The following NEMF variants were observed in gnomAD, a reference collection of about 807,000 sequenced individuals.
NEMF encodes nuclear export mediator factor, also known as ribosome quality control complex subunit NEMF.
In NEMF, 89 loss-of-function variants were observed where a neutral mutation model predicts 162.2. That is an observed-to-expected ratio of 0.55 (90% confidence interval 0.46 to 0.65). NEMF has a LOEUF of 0.65. Ranked by LOEUF, NEMF falls within the 30% of genes least tolerant of loss-of-function variation. The probability of loss-of-function intolerance (pLI) is 0.00; values close to 1 mark genes in which losing one functional copy is unlikely to be tolerated. For synonymous variants in NEMF, 421 were observed against 404.5 expected, an observed-to-expected ratio of 1.04 and a Z score of -0.49; for missense variants, 1,133 against 1,261.9, an observed-to-expected ratio of 0.90 and a Z score of 1.55.
intron 6 of NEMF, among the ~76,000 whole-genome samples, chr14:49,836,396 A>C (rs1175912449): frequency 1.3e-5 from 2 of 152,240 alleles, no homozygotes; most frequent in Non-Finnish European, 2.9e-5. Flanking sequence ...TCACGCCTGT[A>C]ATCCCAGCAC....
chr14:49,840,575 T>A, intron 5 of NEMF, 143 bp downstream of exon 5: 2 of 695,192 alleles, frequency 2.9e-6, no homozygotes, highest in Non-Finnish European at 4.7e-6. Context: ...GTTATCTAAG[T>A]AAAACAAAAT....
At chr14:49,809,309 C>T (rs1273621988) in intron 18 of NEMF, among the ~76,000 whole-genome samples, 6 of 152,060 alleles carry the variant, frequency 3.9e-5, no homozygotes, top group Admixed American at 3.3e-4. Flanking sequence ...GTGGTTCATC[C>T]AGACAACTGA....
In NEMF at chr14:49,782,392, A is replaced by G; in HGVS notation, c.*2244T>C. ...CAGGTTATGGCACACAGCTTGTGCC[A>G]GCGATGAAGGAGAAGTAATTGTTTT... On this transcript the variant is annotated 3_prime_UTR_variant, in exon 33 of 33. Transcript: ENST00000298310. 1 of 1,612,812 alleles carries G rather than the reference A, an allele frequency of 6.2e-7. No individual in the cohort carries two copies. The highest frequency in any genetic ancestry group is 1.1e-5 in the South Asian group (1 of 90,982).
chr14:49,808,311 T>C (rs2139883657), intron 18 of NEMF, among the ~76,000 whole-genome samples: 1 of 152,208 alleles, frequency 6.6e-6, no homozygotes, highest in South Asian at 2.1e-4. Context: ...TAGCTTGGAT[T>C]ACAGGCACCC....
intron 16 of NEMF, chr14:49,820,203 GC>G (rs1421906906): frequency 1.0e-5 from 3 of 289,892 alleles, no homozygotes; most frequent in Non-Finnish European, 1.4e-5. Context: ...GCCCGCCTCG[GC>G]CTCCCAAAGT....
chr14:49,844,128 A>G (rs1893351529), intron 4 of NEMF, among the ~76,000 whole-genome samples: 2 of 151,612 alleles, frequency 1.3e-5, no homozygotes, highest in Non-Finnish European at 2.9e-5. Context: ...AAAACAAAAA[A>G]AAAACCGCAG....
intron 26 of NEMF, among the ~76,000 whole-genome samples, chr14:49,790,162 C>G (rs1890373176): frequency 6.6e-6 from 1 of 152,076 alleles, no homozygotes; most frequent in Non-Finnish European, 1.5e-5. Flanking sequence ...TGTCCCTAAA[C>G]AGGACACAAA....
At chr14:49,842,833 CCT>C (rs1441661453) in intron 4 of NEMF, among the ~76,000 whole-genome samples, 2 of 152,006 alleles carry the variant, frequency 1.3e-5, no homozygotes, top group African/African-American at 2.4e-5. Context: ...ATGGTGAATC[CCT>C]GTTTTACTAA....
Position 49,826,790 on chromosome 14 carries a change from A to G in NEMF, c.1489-835T>C, listed in dbSNP as rs573548576. ...ATCCAGAAAAAATATTCAAATAAACATATGTTGGGCTGGGGGGAGTGTTTT... is the reference window on the plus strand; with the variant it reads ...ATCCAGAAAAAATATTCAAATAAACGTATGTTGGGCTGGGGGGAGTGTTTT... On this transcript the variant is annotated intron_variant, in intron 15 of 32. Coordinates refer to ENST00000298310, the MANE Select transcript of NEMF (RefSeq NM_004713.6). 4.6e-5 allele frequency among the ~76,000 whole-genome samples: 7 copies of G among 152,236 alleles called. No homozygotes were observed. In the South Asian group the frequency reaches 1.4e-3, roughly 32 times the overall value.
rs376513764 is a variant in NEMF at position 49,815,959 on chromosome 14, G to C, written c.1578-1102C>G. Among the ~76,000 whole-genome samples, 14 of 152,124 alleles carry C rather than the reference G, an allele frequency of 9.2e-5. No homozygotes were observed. In the East Asian group the frequency reaches 1.7e-3, roughly 19 times the overall value. ...AGCCTAGGCAACAGAACGAGACTCT[G>C]TCTCAAAAAATAAATAAATAAAAAA... On this transcript the variant is annotated intron_variant, in intron 16 of 32. Coordinates refer to ENST00000298310, the MANE Select transcript of NEMF (RefSeq NM_004713.6).
chr14:49,795,373 T>TTTGGGGGGGGGGGGGGGG (rs1890646349), intron 26 of NEMF, among the ~76,000 whole-genome samples: 1 of 42,612 alleles, frequency 2.3e-5, no homozygotes. Context: ...GGTGGGGAGG[T>TTTGGGGGGGGGGGGGGGG]GGGGGCAGGG....
At chr14:49,813,256 C>T (rs1891563143) in intron 18 of NEMF, among the ~76,000 whole-genome samples, 1 of 152,162 alleles carries the variant, frequency 6.6e-6, no homozygotes, top group South Asian at 2.1e-4. Context: ...CGTTTTGCAG[C>T]ATTTTGAATC....
At chr14:49,804,051 C>T (rs1454294253) in intron 19 of NEMF, among the ~76,000 whole-genome samples, 1 of 150,912 alleles carries the variant, frequency 6.6e-6, no homozygotes, top group East Asian at 2.0e-4. Context: ...GTCACCCAGG[C>T]TGGAGTGCAG....
At chr14:49,834,073 TGA>T (rs2139985145) in intron 7 of NEMF, 2 of 502,760 alleles carry the variant, frequency 4.0e-6, no homozygotes, top group African/African-American at 1.9e-5. Flanking sequence ...TTTTTTTTTT[TGA>T]GAGTGGTGAT....
At chr14:49,852,671 G>C in intron 1 of NEMF, 24 bp downstream of exon 1, 1 of 1,613,686 alleles carries the variant, frequency 6.2e-7, no homozygotes, top group Non-Finnish European at 8.5e-7. Context: ...CCCCACACGA[G>C]CCTCGTCACT....
rs765087109 is a variant in NEMF, at chr14:49,829,350, T to C, written c.1022A>G (p.Gln341Arg). ...ENRLEALQQA[Q>R]EIDKLKGELI... ...CACTGAGAAAGCCAAACATAATACCTGAGCCTGCTGAAGAGCTTCCAATCT... is the reference window on the plus strand; with the variant it reads ...CACTGAGAAAGCCAAACATAATACCCGAGCCTGCTGAAGAGCTTCCAATCT... The change falls in exon 12 of 33, where the codon CAG becomes CGG. Residue 341 changes from glutamine (Q) to arginine (R), a missense_variant and splice_region_variant. Gln to Arg is a conservative substitution (Grantham distance 43, BLOSUM62 1). This residue lies in a region of NEMF where 582 missense variants were observed against 631.5 expected (regional missense o/e 0.92). Transcript: ENST00000298310. 2 of 1,613,876 alleles carry C rather than the reference T, an allele frequency of 1.2e-6. No homozygotes were observed. The highest frequency in any genetic ancestry group is 1.7e-5 in the Admixed American group (1 of 60,030).
intron 11 of NEMF, among the ~76,000 whole-genome samples, chr14:49,830,178 TGAC>T (rs1210682889): frequency 6.6e-6 from 1 of 152,174 alleles, no homozygotes; most frequent in East Asian, 1.9e-4. Context: ...ATAAGAATGA[TGAC>T]TATTAAAACC....
At chr14:49,834,156 T>G in intron 7 of NEMF, 1 of 592,024 alleles carries the variant, frequency 1.7e-6, no homozygotes, top group Non-Finnish European at 3.1e-6. Flanking sequence ...AGCTGTGCAG[T>G]CACCACCCAC....
intron 28 of NEMF, among the ~76,000 whole-genome samples, chr14:49,788,558 CTTTTT>C (rs34178212): frequency 2.2e-5 from 1 of 44,580 alleles, no homozygotes; most frequent in Non-Finnish European, 6.1e-5. Flanking sequence ...TTCTCTCTCT[CTTTTT>C]TTTTTTTTTT....
Sources: gnomAD v4.1 joint callset for allele counts (sites outside exome capture counted in the v4.1 genomes callset) on GRCh38, gnomAD v4.1.1 for gene constraint, gnomAD v4.1.1 regional missense constraint, MANE v1.5 for transcripts, NCBI Gene and HGNC (gene_info 2026-07-23, HGNC 2026-07-21) for gene names.